Variants in PTPRO observed in about 807,000 individuals in gnomAD.
PTPRO encodes receptor-type tyrosine-protein phosphatase O.
Under a neutral mutation model 145.2 loss-of-function variants are expected in PTPRO, and 62 were observed. The ratio of observed to expected loss-of-function variants is 0.43; its 90% CI spans 0.35 to 0.53. The LOEUF (loss-of-function observed/expected upper bound fraction) is 0.53, where lower values mean the gene tolerates loss of function less well. PTPRO is among the 20% of genes least tolerant of loss of function. PTPRO has a pLI of 0.01. For missense variants in PTPRO, 1,345 were observed against 1,482.7 expected, an observed-to-expected ratio of 0.91 and a Z score of 1.53; for synonymous variants, 565 against 514.7, an observed-to-expected ratio of 1.10 and a Z score of -1.32.
chr12:15,500,882 A>T (rs1942207627), intron 4 of PTPRO, among the ~76,000 whole-genome samples: 1 of 152,212 alleles, frequency 6.6e-6, no homozygotes, highest in Non-Finnish European at 1.5e-5. Context: ...AGACCACGTC[A>T]TTGCACTCTA....
At chr12:15,575,573 A>G (rs2135629388) in intron 19 of PTPRO, among the ~76,000 whole-genome samples, 1 of 152,306 alleles carries the variant, frequency 6.6e-6, no homozygotes, top group South Asian at 2.1e-4. Flanking sequence ...TGTAATGTAT[A>G]TGCTTGTGCT....
At chr12:15,473,008 G>A (rs1482597912) in intron 1 of PTPRO, among the ~76,000 whole-genome samples, 1 of 152,200 alleles carries the variant, frequency 6.6e-6, no homozygotes, top group Admixed American at 6.5e-5. Flanking sequence ...GGGACCAGGT[G>A]CCATGATTCC....
chr12:15,562,385 A>G (rs561380564), intron 17 of PTPRO, among the ~76,000 whole-genome samples: 13 of 152,108 alleles, frequency 8.5e-5, no homozygotes, highest in Non-Finnish European at 1.5e-4. Flanking sequence ...CCCTGTGAAC[A>G]ACAGCTGCAA....
chr12:15,508,074 G>C (rs935785922), intron 6 of PTPRO, among the ~76,000 whole-genome samples: 6 of 152,156 alleles, frequency 3.9e-5, no homozygotes, highest in Non-Finnish European at 7.3e-5. Flanking sequence ...GAGCCAGCCT[G>C]TTGTGTGTTT....
chr12:15,453,005 A>G (rs1221681497), intron 1 of PTPRO, among the ~76,000 whole-genome samples: 8 of 152,182 alleles, frequency 5.3e-5, no homozygotes, highest in Admixed American at 5.2e-4. Context: ...TACCCATAAA[A>G]TTTTGAAACA....
chr12:15,534,881 A>G (rs1943036829), intron 12 of PTPRO, among the ~76,000 whole-genome samples: 1 of 152,234 alleles, frequency 6.6e-6, no homozygotes, highest in Non-Finnish European at 1.5e-5. Flanking sequence ...CCAGCTTTAA[A>G]AATTATATTC....
chr12:15,431,098 G>A (rs901740854), intron 1 of PTPRO, among the ~76,000 whole-genome samples: 2 of 152,198 alleles, frequency 1.3e-5, no homozygotes, highest in Non-Finnish European at 2.9e-5. Context: ...TTGTCCTAAA[G>A]CAAGGGTAGC....
chr12:15,518,102 C>T (rs1302037096), intron 9 of PTPRO, among the ~76,000 whole-genome samples: 1 of 152,264 alleles, frequency 6.6e-6, no homozygotes, highest in Non-Finnish European at 1.5e-5. Flanking sequence ...TGTTTCCATA[C>T]ATTTTCTGAA....
intron 25 of PTPRO, among the ~76,000 whole-genome samples, chr12:15,593,129 G>A (rs1944587096): frequency 6.6e-6 from 1 of 152,222 alleles, no homozygotes; most frequent in Non-Finnish European, 1.5e-5. Flanking sequence ...AGGTGTCCAT[G>A]TGTGATGACC....
chr12:15,477,420 G>A (rs978104183), intron 1 of PTPRO, among the ~76,000 whole-genome samples: 3 of 150,146 alleles, frequency 2.0e-5, no homozygotes, highest in African/African-American at 4.9e-5. Context: ...GTTAGTGGGC[G>A]CAGCGCACCA....
At position 15,435,974 on chromosome 12, in the gene PTPRO, C is replaced by A. The variant is rs577434400; in HGVS notation, c.76-48000C>A. Among the ~76,000 whole-genome samples the A allele has an allele frequency of 5.6e-4, 86 of 152,280 alleles. 2 individuals are homozygous for A. The South Asian group carries it at 0.018, about 32-fold the overall frequency. ...AGATTTTTCCCACCACTCGATCTAC[C>A]GTGTACCAATATGTTCATCATGGAA... On this transcript the variant is annotated intron_variant, in intron 1 of 26. Transcript: ENST00000281171.
intron 1 of PTPRO, among the ~76,000 whole-genome samples, chr12:15,324,317 G>GT (rs1488227877): frequency 6.6e-6 from 1 of 152,176 alleles, no homozygotes; most frequent in Non-Finnish European, 1.5e-5. Context: ...AGGTTTTTGC[G>GT]TGAGTTCTTC....
chr12:15,425,538 C>T (rs1459390055), intron 1 of PTPRO, among the ~76,000 whole-genome samples: 6 of 152,114 alleles, frequency 3.9e-5, no homozygotes, highest in Admixed American at 2.0e-4. Flanking sequence ...TTGCCCAGCT[C>T]AGATTATAAA....
intron 1 of PTPRO, among the ~76,000 whole-genome samples, chr12:15,459,136 A>G (rs1299499987): frequency 6.6e-6 from 1 of 152,196 alleles, no homozygotes. Flanking sequence ...CCAGTTCCTC[A>G]GGCAATCCCT....
intron 12 of PTPRO, among the ~76,000 whole-genome samples, chr12:15,540,918 A>G (rs1194695175): frequency 3.3e-5 from 5 of 152,222 alleles, no homozygotes; most frequent in Non-Finnish European, 5.9e-5. Context: ...CCAAACCCGG[A>G]GAGGCATGGA....
intron 1 of PTPRO, among the ~76,000 whole-genome samples, chr12:15,367,047 G>A (rs1012648056): frequency 1.3e-5 from 2 of 152,090 alleles, no homozygotes; most frequent in Non-Finnish European, 2.9e-5. Flanking sequence ...GTAAACAGAA[G>A]GAAGTTATGA....
intron 19 of PTPRO, among the ~76,000 whole-genome samples, chr12:15,574,712 C>T (rs1269424965): frequency 6.6e-6 from 1 of 152,104 alleles, no homozygotes; most frequent in Non-Finnish European, 1.5e-5. Context: ...CTAGTTTGAG[C>T]TATGTTTTTG....
intron 25 of PTPRO, among the ~76,000 whole-genome samples, chr12:15,591,065 T>G (rs192516991): frequency 2.6e-5 from 4 of 152,154 alleles, no homozygotes; most frequent in Non-Finnish European, 4.4e-5. Context: ...ATTCATACCT[T>G]TTACAACTTC....
At chr12:15,492,364 A>T (rs1189118324) in intron 2 of PTPRO, among the ~76,000 whole-genome samples, 3 of 152,254 alleles carry the variant, frequency 2.0e-5, no homozygotes, top group Admixed American at 2.0e-4. Context: ...ATGTTCAAGG[A>T]CATAAATGTA....
Sources: gnomAD v4.1 joint callset for allele counts (sites outside exome capture counted in the v4.1 genomes callset) on GRCh38, gnomAD v4.1.1 for gene constraint, MANE v1.5 for transcripts, NCBI Gene and HGNC (gene_info 2026-07-23, HGNC 2026-07-21) for gene names.